Variants in ELAVL4 observed in about 807,000 individuals in gnomAD.
ELAVL4 encodes ELAV like RNA binding protein 4.
In ELAVL4, 1 loss-of-function variant was observed where a neutral mutation model predicts 35.6. That is an observed-to-expected ratio of 0.03 (90% CI 0.01 to 0.13). ELAVL4 has a LOEUF of 0.13. Ranked by LOEUF, ELAVL4 falls within the 10% of genes least tolerant of loss-of-function variation. ELAVL4 has a pLI of 1.00. For synonymous variants in ELAVL4, 156 were observed against 171.0 expected (o/e 0.91, Z 0.69); for missense variants, 267 against 464.9 (o/e 0.57, Z 3.91).
chr1:50,187,320 G>A (rs1368188904), intron 3 of ELAVL4, among the ~76,000 whole-genome samples: 3 of 152,206 alleles, frequency 2.0e-5, no homozygotes, highest in Non-Finnish European at 1.5e-5. Context: ...TACAGCAAGT[G>A]TATCAAAGCC....
intron 3 of ELAVL4, among the ~76,000 whole-genome samples, chr1:50,182,420 G>A (rs564212552): frequency 1.1e-4 from 16 of 152,258 alleles, no homozygotes; most frequent in African/African-American, 3.1e-4. Context: ...TTAAACAAGC[G>A]TTCACTGCTG....
At chr1:50,051,102 A>C (rs1663350941) in intron 1 of ELAVL4, among the ~76,000 whole-genome samples, 1 of 152,188 alleles carries the variant, frequency 6.6e-6, no homozygotes, top group African/African-American at 2.4e-5. Context: ...AATCTCACTT[A>C]TCTAAACTTA....
At chr1:50,108,798 T>C (rs1666586268), upstream of ELAVL4, 1 of 388,300 alleles carries the variant, frequency 2.6e-6, no homozygotes, top group African/African-American at 2.2e-5. Flanking sequence ...ATCGTCAATC[T>C]GGCAGTAGCT....
chr1:50,086,274 T>C (rs906058214), intron 1 of ELAVL4, among the ~76,000 whole-genome samples: 2 of 152,082 alleles, frequency 1.3e-5, no homozygotes, highest in African/African-American at 4.8e-5. Flanking sequence ...TTGATAAGCA[T>C]GTCTTGCTTA....
chr1:50,179,806 A>G (rs1236332290), intron 3 of ELAVL4: 2 of 152,214 alleles, frequency 1.3e-5, no homozygotes, highest in African/African-American at 4.8e-5. Context: ...AGGCAAATCA[A>G]TAGTTAATTC....
At chr1:50,144,415 T>G (rs1226796158) in intron 1 of ELAVL4, 4 of 334,718 alleles carry the variant, frequency 1.2e-5, no homozygotes, top group Non-Finnish European at 2.3e-5. Flanking sequence ...AATGTACCTG[T>G]AAAATCTAAA....
intron 1 of ELAVL4, among the ~76,000 whole-genome samples, chr1:50,083,185 T>C (rs997146780): frequency 3.9e-5 from 6 of 152,252 alleles, no homozygotes; most frequent in African/African-American, 1.4e-4. Flanking sequence ...TCCTCCTGAG[T>C]AGCTGGGAAT....
At chr1:50,126,521 A>T (rs1218529748) in intron 1 of ELAVL4, among the ~76,000 whole-genome samples, 3 of 152,162 alleles carry the variant, frequency 2.0e-5, no homozygotes, top group African/African-American at 7.2e-5. Flanking sequence ...AATTATACAT[A>T]AACCTAATTG....
intron 1 of ELAVL4, among the ~76,000 whole-genome samples, chr1:50,052,462 G>A (rs544265132): frequency 6.6e-6 from 1 of 152,342 alleles, no homozygotes; most frequent in East Asian, 1.9e-4. Context: ...CAGCTGTGCA[G>A]TAGCTTCCTA....
intron 1 of ELAVL4, among the ~76,000 whole-genome samples, chr1:50,065,031 G>C (rs1322139376): frequency 6.6e-6 from 1 of 152,054 alleles, no homozygotes; most frequent in Non-Finnish European, 1.5e-5. Context: ...CTTAAGGAAG[G>C]CATGGAGAAC....
chr1:50,127,325 G>A (rs1267771874), intron 1 of ELAVL4, among the ~76,000 whole-genome samples: 1 of 152,078 alleles, frequency 6.6e-6, no homozygotes, highest in Admixed American at 6.6e-5. Context: ...GAGACAGGCA[G>A]GTAAAAAGCG....
chr1:50,078,142 G>A (rs558146764), intron 1 of ELAVL4, among the ~76,000 whole-genome samples: 147 of 145,816 alleles, frequency 1.0e-3, no homozygotes, highest in East Asian at 9.4e-3. Flanking sequence ...GTGTGTGTGT[G>A]TATATAGTAT....
chr1:50,195,507 T>A, intron 4 of ELAVL4, 54 bp from the exon 5 acceptor site: 1 of 1,587,794 alleles, frequency 6.3e-7, no homozygotes, highest in Non-Finnish European at 8.6e-7. Context: ...TTCCCAAAGA[T>A]GTTTACCAGT....
At chr1:50,072,189 C>T (rs1223951487) in intron 1 of ELAVL4, among the ~76,000 whole-genome samples, 4 of 152,092 alleles carry the variant, frequency 2.6e-5, no homozygotes, top group Admixed American at 1.3e-4. Context: ...GAAATGGGTT[C>T]AAGTCCTGAA....
intron 3 of ELAVL4, 104 bp downstream of exon 3, chr1:50,177,296 G>A: frequency 1.2e-6 from 1 of 847,270 alleles, no homozygotes; most frequent in Admixed American, 2.1e-5. Context: ...CAGTGTTCTT[G>A]ATTTATTCAA....
At chr1:50,107,323 TC>T (rs1284784912), upstream of ELAVL4, among the ~76,000 whole-genome samples, 3 of 152,240 alleles carry the variant, frequency 2.0e-5, no homozygotes, top group African/African-American at 7.2e-5. Flanking sequence ...TTTGTACTTT[TC>T]TATTTCATGT....
At chr1:50,104,045 G>A (rs772232077), upstream of ELAVL4, 23 of 1,605,292 alleles carry the variant, frequency 1.4e-5, no homozygotes, top group South Asian at 3.3e-5. Context: ...ATGGTAGACC[G>A]TCAATGGGTG....
At chr1:50,144,862 T>A in intron 1 of ELAVL4, 95 bp from the exon 2 acceptor site, 2 of 1,551,688 alleles carry the variant, frequency 1.3e-6, no homozygotes, top group Non-Finnish European at 1.7e-6. Context: ...CTTTATCTTC[T>A]TCTCTTTCTT....
At chr1:50,050,369 A>T (rs924145695) in intron 1 of ELAVL4, among the ~76,000 whole-genome samples, 2 of 152,224 alleles carry the variant, frequency 1.3e-5, no homozygotes, top group African/African-American at 2.4e-5. Context: ...GGGGTGACTG[A>T]AATATGCTTT....
Sources: gnomAD v4.1 joint callset for allele counts (sites outside exome capture counted in the v4.1 genomes callset) on GRCh38, gnomAD v4.1.1 for gene constraint, MANE v1.5 for transcripts, NCBI Gene and HGNC (gene_info 2026-07-23, HGNC 2026-07-21) for gene names.